Variants in ABCC8 observed in about 807,000 individuals in gnomAD.
ABCC8 encodes the protein ATP-binding cassette sub-family C member 8.
A neutral mutation model predicts 188.0 loss-of-function variants in ABCC8; 137 were observed. The ratio of observed to expected loss-of-function variants is 0.73; its 90% CI spans 0.63 to 0.84. The LOEUF (loss-of-function observed/expected upper bound fraction) is 0.84, where lower values mean the gene tolerates loss of function less well. Ranked by LOEUF, ABCC8 falls within the 40% of genes least tolerant of loss-of-function variation. ABCC8 has a pLI of 0.00. For missense variants in ABCC8, 1,750 were observed against 2,072.7 expected, an observed-to-expected ratio of 0.84 and a Z score of 3.02; for synonymous variants, 797 against 846.5, an observed-to-expected ratio of 0.94 and a Z score of 1.01.
At chr11:17,465,480 C>G (rs1331565767) in intron 3 of ABCC8, 3 of 152,228 alleles carry the variant, frequency 2.0e-5, no homozygotes, top group Non-Finnish European at 4.4e-5. Context: ...GCAGTGCACC[C>G]AGGACTAGGC....
intron 6 of ABCC8, among the ~76,000 whole-genome samples, chr11:17,455,465 C>A (rs1466199169): frequency 6.6e-6 from 1 of 152,200 alleles, no homozygotes; most frequent in Non-Finnish European, 1.5e-5. Flanking sequence ...TTGACTTCCT[C>A]TCTCCGCCCC....
At chr11:17,474,199 C>A (rs1000169405) in intron 2 of ABCC8, among the ~76,000 whole-genome samples, 1 of 152,132 alleles carries the variant, frequency 6.6e-6, no homozygotes, top group African/African-American at 2.4e-5. Flanking sequence ...TCCTAAGGAC[C>A]CAATAAATGT....
chr11:17,419,312 T>A (rs1012473961), intron 16 of ABCC8, among the ~76,000 whole-genome samples: 1 of 152,202 alleles, frequency 6.6e-6, no homozygotes, highest in African/African-American at 2.4e-5. Context: ...CCCAACCGCA[T>A]GTCCTTCCCT....
intron 17 of ABCC8, among the ~76,000 whole-genome samples, chr11:17,415,759 G>C (rs1955041201): frequency 6.6e-6 from 1 of 152,212 alleles, no homozygotes; most frequent in Non-Finnish European, 1.5e-5. Flanking sequence ...GCTCTGGACA[G>C]AGCCAGGCCA....
chr11:17,413,684 A>C (rs994818400), intron 19 of ABCC8: 28 of 973,144 alleles, frequency 2.9e-5, no homozygotes, highest in Non-Finnish European at 4.2e-5. Flanking sequence ...CAGGTTAAAT[A>C]CTAGAAGGAT....
At chr11:17,464,277 C>T (rs571714491) in intron 3 of ABCC8, among the ~76,000 whole-genome samples, 1 of 152,210 alleles carries the variant, frequency 6.6e-6, no homozygotes, top group East Asian at 1.9e-4. Flanking sequence ...AGGGTGAAAG[C>T]CTGGATCCCT....
intron 38 of ABCC8, among the ~76,000 whole-genome samples, chr11:17,393,415 C>T (rs762999812): frequency 3.3e-5 from 5 of 152,192 alleles, no homozygotes; most frequent in Admixed American, 6.5e-5. Context: ...GGAGAAGTAA[C>T]GCCAGCCTAA....
At chr11:17,440,338 A>G (rs1177631313) in intron 10 of ABCC8, among the ~76,000 whole-genome samples, 2 of 152,104 alleles carry the variant, frequency 1.3e-5, no homozygotes, top group Non-Finnish European at 2.9e-5. Context: ...GGGGCTATAC[A>G]CAAGCAGGGG....
chr11:17,406,470 C>T, intron 26 of ABCC8, 152 bp downstream of exon 26: 3 of 775,712 alleles, frequency 3.9e-6, no homozygotes, highest in Non-Finnish European at 6.2e-6. Flanking sequence ...CTGCTTCTTG[C>T]ACAAGGAGGG....
At chr11:17,430,722 C>G (rs1227879475) in intron 12 of ABCC8, 92 bp downstream of exon 12, 1 of 1,442,786 alleles carries the variant, frequency 6.9e-7, no homozygotes, top group Non-Finnish European at 9.7e-7. Context: ...GTTCCGGGAC[C>G]AAACAGCTGT....
At chr11:17,393,661 G>T in intron 38 of ABCC8, 36 bp downstream of exon 38, 2 of 1,613,814 alleles carry the variant, frequency 1.2e-6, no homozygotes, top group Non-Finnish European at 1.7e-6. Context: ...TCCTGTCCCT[G>T]GGTGTCCCTC....
At chr11:17,462,462 G>A (rs1306812264) in intron 4 of ABCC8, among the ~76,000 whole-genome samples, 1 of 152,208 alleles carries the variant, frequency 6.6e-6, no homozygotes, top group Non-Finnish European at 1.5e-5. Flanking sequence ...ATTGCTGGCA[G>A]ATTACAGTCT....
In ABCC8 at chr11:17,395,738, G is replaced by T. The variant is rs1195872819; in HGVS notation, c.4199-20C>A. 1 of 1,552,778 alleles carries T rather than the reference G, an allele frequency of 6.4e-7. No individual in the cohort carries two copies. The highest frequency in any genetic ancestry group is 1.4e-5 in the African/African-American group (1 of 73,322). On this transcript the variant is annotated intron_variant, in intron 34 of 38. Coordinates refer to ENST00000389817, the MANE Select transcript of ABCC8 (RefSeq NM_000352.6). The stretch of plus-strand genomic sequence containing the variant: ...TGTGCCCTGCATGGGTCCCAGTGAG[G>T]GTGCAGGGGAAGGCGGTGACTGCTG...
At chr11:17,469,133 C>T (rs1275225189) in intron 3 of ABCC8, among the ~76,000 whole-genome samples, 7 of 146,704 alleles carry the variant, frequency 4.8e-5, no homozygotes, top group African/African-American at 1.8e-4. Context: ...GCTCTGTCAC[C>T]CAGGCTGGAC....
At chr11:17,457,834 A>G (rs144643944) in intron 6 of ABCC8, among the ~76,000 whole-genome samples, 1 of 152,192 alleles carries the variant, frequency 6.6e-6, no homozygotes, top group Non-Finnish European at 1.5e-5. Context: ...TGATGAATAA[A>G]CCACAGGTGC....
At chr11:17,393,192 C>T (rs997146625) in intron 38 of ABCC8, 64 bp from the exon 39 acceptor site, 14 of 1,603,166 alleles carry the variant, frequency 8.7e-6, no homozygotes, top group Non-Finnish European at 1.2e-5. Context: ...GGGGCCACAG[C>T]TGAGGGTGGC....
In ABCC8 at chr11:17,455,764, C is replaced by G. The variant is rs954261357; in HGVS notation, c.1012-2481G>C. ...ACCAGCCTGGCCAACATGCTGAAAC[C>G]CTGTTTCTACTAAAAATACAAAAAA... On this transcript the variant is annotated intron_variant, in intron 6 of 38. Transcript: ENST00000389817. Among the ~76,000 whole-genome samples the G allele has an allele frequency of 2.0e-5, 3 of 151,860 alleles. No individual in the cohort carries two copies. The East Asian group carries it at 5.8e-4, about 29-fold the overall frequency.
chr11:17,400,606 C>A (rs530890886), intron 29 of ABCC8, among the ~76,000 whole-genome samples: 4 of 152,310 alleles, frequency 2.6e-5, no homozygotes, highest in Admixed American at 1.3e-4. Flanking sequence ...AACCTCCGAG[C>A]CCGCCACTGA....
chr11:17,435,177 A>AC (rs1410270434), intron 10 of ABCC8, among the ~76,000 whole-genome samples: 2 of 150,412 alleles, frequency 1.3e-5, no homozygotes, highest in Admixed American at 6.6e-5. Context: ...ATTCCCCTCC[A>AC]CCCCCGCCTC....
Sources: gnomAD v4.1 joint callset for allele counts (sites outside exome capture counted in the v4.1 genomes callset) on GRCh38, gnomAD v4.1.1 for gene constraint, MANE v1.5 for transcripts, NCBI Gene and HGNC (gene_info 2026-07-23, HGNC 2026-07-21) for gene names.